CLVS2: variants seen among roughly 807,000 people sequenced by gnomAD.
CLVS2 encodes clavesin 2.
Under a neutral mutation model 29.0 loss-of-function variants are expected in CLVS2, and 19 were observed. The ratio of observed to expected loss-of-function variants is 0.66; its 90% CI spans 0.46 to 0.96. The LOEUF is 0.96. CLVS2 is among the 40% of genes least tolerant of loss of function. The probability of loss-of-function intolerance (pLI) is 0.00; values close to 1 mark genes in which losing one functional copy is unlikely to be tolerated. For missense variants in CLVS2, 294 were observed against 404.1 expected (o/e 0.73, Z 2.34); for synonymous variants, 161 against 151.3 (o/e 1.06, Z -0.47).
At chr6:123,001,262 C>A (rs563706118) in intron 2 of CLVS2, among the ~76,000 whole-genome samples, 5 of 152,212 alleles carry the variant, frequency 3.3e-5, no homozygotes, top group Non-Finnish European at 5.9e-5. Flanking sequence ...TCTGTTTCTG[C>A]TGCAATTTAG....
At chr6:123,061,603 T>C (rs1772779375) in intron 5 of CLVS2, among the ~76,000 whole-genome samples, 1 of 152,236 alleles carries the variant, frequency 6.6e-6, no homozygotes, top group Non-Finnish European at 1.5e-5. Flanking sequence ...CTCATATCTG[T>C]AGTGCATACT....
intron 3 of CLVS2, among the ~76,000 whole-genome samples, chr6:123,034,971 C>T (rs1775130969): frequency 6.6e-6 from 1 of 152,016 alleles, no homozygotes; most frequent in African/African-American, 2.4e-5. Context: ...AGTCAGCATC[C>T]CACTACCAGC....
At chr6:123,035,164 A>C (rs919782341) in intron 3 of CLVS2, among the ~76,000 whole-genome samples, 9 of 152,126 alleles carry the variant, frequency 5.9e-5, no homozygotes, top group Non-Finnish European at 8.8e-5. Flanking sequence ...TATGTGGCAA[A>C]GAGAATAAAA....
intron 3 of CLVS2, among the ~76,000 whole-genome samples, chr6:123,048,339 C>G (rs928479943): frequency 2.0e-5 from 3 of 151,934 alleles, no homozygotes; most frequent in African/African-American, 7.3e-5. Context: ...CCTGTACTGA[C>G]TATTAGCAGT....
intron 5 of CLVS2, 49 bp downstream of exon 5, chr6:123,056,075 G>C: frequency 2.3e-6 from 3 of 1,280,972 alleles, no homozygotes; most frequent in East Asian, 4.8e-5. Flanking sequence ...GCAGGGAGAG[G>C]CATCCTGAGT....
chr6:123,057,197 A>G (rs1267687670), intron 5 of CLVS2, among the ~76,000 whole-genome samples: 3 of 151,988 alleles, frequency 2.0e-5, no homozygotes, highest in Non-Finnish European at 4.4e-5. Context: ...GTCTCCCCTC[A>G]CCTAGCTCAG....
At chr6:123,027,802 A>C (rs1231224800) in intron 3 of CLVS2, among the ~76,000 whole-genome samples, 1 of 152,048 alleles carries the variant, frequency 6.6e-6, no homozygotes, top group Non-Finnish European at 1.5e-5. Flanking sequence ...AGATTCTTTG[A>C]AAAAAAATTA....
intron 3 of CLVS2, among the ~76,000 whole-genome samples, chr6:123,031,691 C>T (rs1441196427): frequency 6.6e-6 from 1 of 152,032 alleles, no homozygotes; most frequent in Non-Finnish European, 1.5e-5. Flanking sequence ...AAAAAGAATA[C>T]AATGATCTTT....
chr6:123,063,827 C>A lies in CLVS2; in HGVS notation c.*66C>A. 1 of 1,066,980 alleles carries A rather than the reference C, an allele frequency of 9.4e-7. No individual in the cohort carries two copies. Among genetic ancestry groups the A allele is most frequent in the Non-Finnish European group, 1.4e-6 (1 of 693,892 alleles). 66.1% of individuals were successfully genotyped at this position (1,066,980 alleles called of 1,614,324 possible). On this transcript the variant is annotated 3_prime_UTR_variant, in exon 6 of 6. Coordinates refer to ENST00000275162, the MANE Select transcript of CLVS2 (RefSeq NM_001010852.4). The stretch of plus-strand genomic sequence containing the variant: ...TATTGGTTTTCAGCAACAGGGACAA[C>A]ACTGTAGAGGAATTACCAGCTGGAA...
rs950140713 is a variant in CLVS2, at chr6:123,071,155, G to T, written c.*7394G>T. 3 of 151,952 alleles carry T rather than the reference G, an allele frequency of 2.0e-5. No individual in the cohort carries two copies. The highest frequency in any genetic ancestry group is 7.2e-5 in the African/African-American group (3 of 41,408). 9.4% of individuals were successfully genotyped at this position (151,952 alleles called of 1,614,324 possible). On this transcript the variant is annotated 3_prime_UTR_variant, in exon 6 of 6. Transcript: ENST00000275162. The stretch of plus-strand genomic sequence containing the variant: ...GTCTGTTTACTACTGCATTACTGGT[G>T]CCTTGTACAGTCCCTGGAACTTAAC...
At position 123,064,695 on chromosome 6, in the gene CLVS2, T is replaced by C. The variant is rs1192293329; in HGVS notation, c.*934T>C. 6.6e-6 allele frequency: 1 copy of C among 151,412 alleles called. No homozygotes were observed. The allele number at this position is 151,412 out of a possible 1,614,324, so 9.4% of individuals were successfully genotyped here. A position where few individuals can be genotyped will look rare whatever the true frequency, so the allele number is the denominator to read the frequency against. On this transcript the variant is annotated 3_prime_UTR_variant, in exon 6 of 6. Coordinates refer to ENST00000275162, the MANE Select transcript of CLVS2 (RefSeq NM_001010852.4). ...GTATATATATATATATATTCACACA[T>C]ATATATTTTTACTGAGCTCTAATAA...
intron 2 of CLVS2, among the ~76,000 whole-genome samples, chr6:123,002,207 C>T (rs1389243159): frequency 1.3e-5 from 2 of 152,128 alleles, no homozygotes; most frequent in East Asian, 3.8e-4. Flanking sequence ...AAGCACTGGC[C>T]ACCTTGCATG....
Position 123,063,680 on chromosome 6 carries a change from A to C in CLVS2, c.903A>C (p.Gln301His), listed in dbSNP as rs144300596. ...TTGGCTTTATCCTTTCCAGATCTCA[A>C]TCAGTAGTGGATCCTACAGTACTAA... is the stretch of plus-strand genomic sequence containing the variant. ...ELSPKSMKRS[Q>H]SVVDPTVLKR... is the part of the protein sequence containing the mutation. The change falls in exon 6 of 6, where the codon CAA (glutamine) becomes CAC (histidine). Residue 301 changes from glutamine (Q) to histidine (H), a missense_variant. Gln to His is a conservative substitution (Grantham distance 24). This residue lies in a region of CLVS2 where 82 missense variants were observed against 67.8 expected (regional missense o/e 1.21). Transcript: ENST00000275162. The C allele has an allele frequency of 6.2e-7, 1 of 1,603,162 alleles. No homozygotes were observed. Among genetic ancestry groups the C allele is most frequent in the Non-Finnish European group, 8.5e-7 (1 of 1,171,542 alleles).
chr6:123,035,168 A>C (rs1452563953), intron 3 of CLVS2, among the ~76,000 whole-genome samples: 1 of 152,116 alleles, frequency 6.6e-6, no homozygotes, highest in Non-Finnish European at 1.5e-5. Flanking sequence ...TGGCAAAGAG[A>C]ATAAAAGGGA....
intron 2 of CLVS2, among the ~76,000 whole-genome samples, chr6:123,008,044 A>T (rs962267696): frequency 6.6e-6 from 1 of 152,176 alleles, no homozygotes; most frequent in African/African-American, 2.4e-5. Flanking sequence ...TTCTGGCAAG[A>T]TCCTGTGTAG....
intron 4 of CLVS2, among the ~76,000 whole-genome samples, chr6:123,050,717 T>C (rs910058253): frequency 6.6e-6 from 1 of 152,158 alleles, no homozygotes; most frequent in Non-Finnish European, 1.5e-5. Context: ...GGGACTCATA[T>C]ACCATTGCTG....
intron 3 of CLVS2, among the ~76,000 whole-genome samples, chr6:123,022,893 C>T (rs964948416): frequency 2.0e-5 from 3 of 152,046 alleles, no homozygotes; most frequent in African/African-American, 7.2e-5. Context: ...TTCTGCAGGA[C>T]TGGACAACAA....
At position 122,997,544 on chromosome 6, in the gene CLVS2, G is replaced by A; in HGVS notation, c.-234G>A. The A allele has an allele frequency of 3.5e-6, 2 of 576,656 alleles. No homozygotes were observed. Among genetic ancestry groups the A allele is most frequent in the Non-Finnish European group, 6.3e-6 (2 of 317,608 alleles). 35.7% of individuals were successfully genotyped at this position (576,656 alleles called of 1,614,324 possible). On this transcript the variant is annotated 5_prime_UTR_variant, in exon 2 of 6. Transcript: ENST00000275162. ...AAAGAGGGAGCCAAAGTAGGGTGTT[G>A]TATTTTAGGGGGCAGAGGAAGAAGT... is the stretch of plus-strand genomic sequence containing the variant.
chr6:123,014,632 A>G (rs549301509), intron 3 of CLVS2, among the ~76,000 whole-genome samples: 2 of 152,198 alleles, frequency 1.3e-5, no homozygotes, highest in South Asian at 2.1e-4. Flanking sequence ...CCTGGCAGGT[A>G]ATATCAATGA....
Sources: gnomAD v4.1 joint callset for allele counts (sites outside exome capture counted in the v4.1 genomes callset) on GRCh38, gnomAD v4.1.1 for gene constraint, gnomAD v4.1.1 regional missense constraint, MANE v1.5 for transcripts, NCBI Gene and HGNC (gene_info 2026-07-23, HGNC 2026-07-21) for gene names.